The following ATL1 variants were observed in gnomAD, a reference collection of about 807,000 sequenced individuals.
The protein encoded by ATL1 is atlastin-1.
ATL1 carries 31 observed loss-of-function variants against 75.5 expected under a neutral mutation model. The ratio of observed to expected loss-of-function variants is 0.41; its 90% CI spans 0.31 to 0.55. The LOEUF (loss-of-function observed/expected upper bound fraction) is 0.55. ATL1 is among the 20% of genes least tolerant of loss of function. The probability of loss-of-function intolerance (pLI) is 0.27; values close to 1 mark genes in which losing one functional copy is unlikely to be tolerated. For missense variants in ATL1, 405 were observed against 662.6 expected, an observed-to-expected ratio of 0.61 and a Z score of 4.27; for synonymous variants, 226 against 233.3, an observed-to-expected ratio of 0.97 and a Z score of 0.28.
At chr14:50,571,279 A>T (rs1479226074) in intron 1 of ATL1, among the ~76,000 whole-genome samples, 1 of 152,188 alleles carries the variant, frequency 6.6e-6, no homozygotes, top group Admixed American at 6.5e-5. Context: ...CACAACCTGC[A>T]TTCAAGCTGC....
intron 1 of ATL1, among the ~76,000 whole-genome samples, chr14:50,572,949 G>C (rs2038967567): frequency 6.6e-6 from 1 of 152,118 alleles, no homozygotes; most frequent in Non-Finnish European, 1.5e-5. Flanking sequence ...CATGGCATAA[G>C]GGGACGCAAA....
intron 1 of ATL1, chr14:50,533,386 CA>C (rs2038447516): frequency 2.0e-5 from 3 of 152,048 alleles, no homozygotes; most frequent in Non-Finnish European, 4.4e-5. Flanking sequence ...TTGCATCTGA[CA>C]CCCAGGAAAG....
At chr14:50,561,401 A>C (rs959427550) in intron 1 of ATL1, among the ~76,000 whole-genome samples, 2 of 152,246 alleles carry the variant, frequency 1.3e-5, no homozygotes, top group Admixed American at 6.5e-5. Flanking sequence ...TATTTTGTTC[A>C]TCAGCTTGTT....
chr14:50,608,676 G>C (rs993653285), intron 6 of ATL1, among the ~76,000 whole-genome samples: 1 of 151,892 alleles, frequency 6.6e-6, no homozygotes, highest in African/African-American at 2.4e-5. Flanking sequence ...CAGTGAAAAA[G>C]ACCAAGAAAT....
At chr14:50,616,238 A>G (rs889400819) in intron 8 of ATL1, among the ~76,000 whole-genome samples, 7 of 151,944 alleles carry the variant, frequency 4.6e-5, no homozygotes, top group East Asian at 1.9e-4. Context: ...GGTTCAATCA[A>G]TCCTCCTATC....
intron 11 of ATL1, 75 bp downstream of exon 11, chr14:50,623,323 C>T: frequency 8.4e-7 from 1 of 1,183,978 alleles, no homozygotes; most frequent in Non-Finnish European, 1.2e-6. Flanking sequence ...CTTTTTTCTT[C>T]CATGTTACAC....
intron 1 of ATL1, among the ~76,000 whole-genome samples, chr14:50,540,604 T>C (rs1300418505): frequency 1.3e-5 from 2 of 152,206 alleles, no homozygotes; most frequent in Non-Finnish European, 2.9e-5. Flanking sequence ...TAGCTCTAAA[T>C]AATAATCTCT....
chr14:50,605,990 A>G (rs1216375337), intron 6 of ATL1, among the ~76,000 whole-genome samples: 1 of 152,006 alleles, frequency 6.6e-6, no homozygotes, highest in Non-Finnish European at 1.5e-5. Flanking sequence ...TCCTGTGAAA[A>G]TTTCCGAGGA....
chr14:50,560,468 G>C, intron 1 of ATL1, 169 bp downstream of exon 1: 1 of 870,604 alleles, frequency 1.1e-6, no homozygotes, highest in Non-Finnish European at 1.8e-6. Flanking sequence ...CCATGGCCGA[G>C]CGGTACCCGC....
At chr14:50,575,144 A>G (rs556997585) in intron 1 of ATL1, among the ~76,000 whole-genome samples, 43 of 151,062 alleles carry the variant, frequency 2.8e-4, no homozygotes, top group African/African-American at 9.7e-4. Context: ...TTTATTAGTG[A>G]CTTACTTTTC....
chr14:50,625,580 C>G (rs1008281290), intron 11 of ATL1, among the ~76,000 whole-genome samples: 8 of 152,102 alleles, frequency 5.3e-5, no homozygotes, highest in Non-Finnish European at 5.9e-5. Context: ...GACTTTAAGT[C>G]GAACCCAGTG....
At chr14:50,587,774 T>C (rs895234363) in intron 1 of ATL1, 57 bp from the exon 2 acceptor site, 1 of 1,612,062 alleles carries the variant, frequency 6.2e-7, no homozygotes, top group Non-Finnish European at 8.5e-7. Context: ...GAGGTACATA[T>C]ACATTTCTTG....
intron 1 of ATL1, among the ~76,000 whole-genome samples, chr14:50,568,082 G>A (rs1209791797): frequency 6.6e-6 from 1 of 152,136 alleles, no homozygotes; most frequent in African/African-American, 2.4e-5. Context: ...CCATTATTGA[G>A]AATAGGATAT....
chr14:50,543,673 G>T (rs1027404193), intron 1 of ATL1, among the ~76,000 whole-genome samples: 4 of 152,130 alleles, frequency 2.6e-5, no homozygotes, highest in Non-Finnish European at 5.9e-5. Flanking sequence ...TAAGGATGTA[G>T]TATAGGACTC....
At chr14:50,579,608 C>T (rs916517814) in intron 1 of ATL1, among the ~76,000 whole-genome samples, 1 of 152,196 alleles carries the variant, frequency 6.6e-6, no homozygotes, top group Non-Finnish European at 1.5e-5. Context: ...AGCATCGACA[C>T]ATTCACAATA....
chr14:50,628,567 GC>G, intron 12 of ATL1, 105 bp downstream of exon 12: 1 of 1,215,692 alleles, frequency 8.2e-7, no homozygotes, highest in Non-Finnish European at 1.2e-6. Context: ...CAGGAATTGG[GC>G]CCCAGTCATC....
In ATL1 at chr14:50,591,509, C is replaced by G. The variant is rs369764400; in HGVS notation, c.418-26C>G. 4.3e-5 allele frequency: 63 copies of G among 1,471,910 alleles called. No individual in the cohort carries two copies. In the African/African-American group the frequency reaches 7.8e-4, roughly 18 times the overall value. 91.2% of individuals were successfully genotyped at this position (1,471,910 alleles called of 1,614,324 possible). On this transcript the variant is annotated intron_variant, in intron 3 of 13. Coordinates refer to ENST00000358385, the MANE Select transcript of ATL1 (RefSeq NM_015915.5). ...ATGACCTAGATGTTCTATAAAATAT[C>G]AATAATGTACTCTTCTTGCCTGTAG...
At chr14:50,604,753 T>G (rs1298537085) in intron 6 of ATL1, among the ~76,000 whole-genome samples, 2 of 152,112 alleles carry the variant, frequency 1.3e-5, no homozygotes, top group African/African-American at 4.8e-5. Context: ...GGTAAGGGTA[T>G]AGAGTTGCTG....
At chr14:50,582,762 A>G (rs2039068737) in intron 1 of ATL1, among the ~76,000 whole-genome samples, 1 of 152,092 alleles carries the variant, frequency 6.6e-6, no homozygotes, top group Non-Finnish European at 1.5e-5. Flanking sequence ...AACTTATATA[A>G]TAAAACCACC....
Sources: gnomAD v4.1 joint callset for allele counts (sites outside exome capture counted in the v4.1 genomes callset) on GRCh38, gnomAD v4.1.1 for gene constraint, MANE v1.5 for transcripts, NCBI Gene and HGNC (gene_info 2026-07-23, HGNC 2026-07-21) for gene names.